LGI1: variants seen among roughly 807,000 people sequenced by gnomAD.
The protein encoded by LGI1 is leucine-rich glioma-inactivated protein 1.
LGI1 carries 11 observed loss-of-function variants against 57.7 expected under a neutral mutation model. The ratio of observed to expected loss-of-function variants is 0.19; its 90% confidence interval spans 0.12 to 0.32. The LOEUF is 0.32. Among genes scored for constraint, LGI1 ranks in the 10% least tolerant of loss-of-function variants. The pLI is 1.00. For missense variants in LGI1, 422 were observed against 661.9 expected, an observed-to-expected ratio of 0.64 and a Z score of 3.98; for synonymous variants, 222 against 241.9, an observed-to-expected ratio of 0.92 and a Z score of 0.76.
intron 4 of LGI1, chr10:93,788,625 A>G (rs2059909615): frequency 6.6e-6 from 1 of 152,224 alleles, no homozygotes; most frequent in African/African-American, 2.4e-5. Context: ...TTGGACCGTC[A>G]TTGACAATGG....
chr10:93,777,347 C>T, intron 2 of LGI1, 32 bp from the exon 3 acceptor site: 1 of 1,593,432 alleles, frequency 6.3e-7, no homozygotes, highest in Non-Finnish European at 8.6e-7. Context: ...CTGTCAGTTT[C>T]ACCATTTTCA....
intron 2 of LGI1, chr10:93,777,044 A>T (rs1218242548): frequency 2.0e-5 from 8 of 403,740 alleles, no homozygotes; most frequent in Non-Finnish European, 3.2e-5. Context: ...AGCAGAAAAG[A>T]TTGTTAGTGC....
Position 93,797,596 on chromosome 10 carries a change from T to C in LGI1, c.1467T>C (p.Tyr489=). Residue 489 remains tyrosine, a synonymous_variant, in exon 8 of 8, where the codon TAT becomes TAC. Coordinates refer to ENST00000371418, the MANE Select transcript of LGI1 (RefSeq NM_005097.4). This position sits in a 1 kb window ranked among gnomAD's most constrained non-coding sequence, Gnocchi z 6.5. ...CTCTTCAAATAAATAATTACCAATA[T>C]GCAATTCTTGGAAGTGATTACTCCT... The part of the protein sequence containing the change: ...FQPLQINNYQ[Y]AILGSDYSFT... The C allele has an allele frequency of 6.2e-7, 1 of 1,614,102 alleles. No individual in the cohort carries two copies.
At chr10:93,766,265 A>G (rs2059677117) in intron 2 of LGI1, among the ~76,000 whole-genome samples, 1 of 152,126 alleles carries the variant, frequency 6.6e-6, no homozygotes, top group African/African-American at 2.4e-5. Flanking sequence ...TTGCATGTGT[A>G]AAATGTGATC....
intron 7 of LGI1, among the ~76,000 whole-genome samples, chr10:93,793,717 T>C (rs544129392): frequency 6.6e-6 from 1 of 152,330 alleles, no homozygotes; most frequent in East Asian, 1.9e-4. Context: ...AAGCTGCTCA[T>C]ACTCACTGAC....
Position 93,758,320 on chromosome 10 carries a change from G to C in LGI1, c.176G>C (p.Arg59Thr). ...GATAATGCTTTATGTGAGAATGCCA[G>C]ATCCATTCCACGCACCGTTCCTCCT... ...TKDNALCENA[R>T]SIPRTVPPDV... is the part of the protein sequence containing the mutation. Residue 59 changes from arginine to threonine, a missense_variant, in exon 1 of 8, where the codon AGA (arginine) becomes ACA (threonine). By Grantham distance (71) the Arg-to-Thr change is moderately conservative (BLOSUM62 -1). This residue lies in a region of LGI1 where 63 missense variants were observed against 138.4 expected (regional missense o/e 0.46). Coordinates refer to ENST00000371418, the MANE Select transcript of LGI1 (RefSeq NM_005097.4). The surrounding 1 kb of genome is among the most constrained non-coding windows in gnomAD (Gnocchi z 4.7). 1 of 1,614,200 alleles carries C rather than the reference G, an allele frequency of 6.2e-7. No individual in the cohort carries two copies. The highest frequency in any genetic ancestry group is 8.5e-7 in the Non-Finnish European group (1 of 1,180,044).
At chr10:93,766,254 C>T (rs2059676901) in intron 2 of LGI1, among the ~76,000 whole-genome samples, 1 of 152,026 alleles carries the variant, frequency 6.6e-6, no homozygotes, top group African/African-American at 2.4e-5. Flanking sequence ...ATGGCAGGTG[C>T]TTGCATGTGT....
At chr10:93,793,106 G>A in intron 6 of LGI1, 80 bp from the exon 7 acceptor site, 4 of 1,272,708 alleles carry the variant, frequency 3.1e-6, no homozygotes, top group South Asian at 2.7e-5. Context: ...TGAAATAAAT[G>A]TATTTCTTGT....
chr10:93,781,663 T>C (rs1440296499), intron 4 of LGI1, among the ~76,000 whole-genome samples: 1 of 152,226 alleles, frequency 6.6e-6, no homozygotes, highest in Non-Finnish European at 1.5e-5. Flanking sequence ...ATATGTTATT[T>C]TGGTAATCAG....
chr10:93,774,679 G>A (rs1187304627), intron 2 of LGI1, among the ~76,000 whole-genome samples: 4 of 152,166 alleles, frequency 2.6e-5, no homozygotes, highest in Non-Finnish European at 4.4e-5. Context: ...AAGGGACAGA[G>A]GTTGTGCAGT....
Position 93,798,008 on chromosome 10 carries a change from A to G in LGI1, c.*205A>G. 1 of 605,332 alleles carries G rather than the reference A, an allele frequency of 1.7e-6. No homozygotes were observed. The highest frequency in any genetic ancestry group is 3.0e-6 in the Non-Finnish European group (1 of 338,976). The allele number at this position is 605,332 out of a possible 1,614,324, so 37.5% of individuals were successfully genotyped here. ...GTTACCTTTTATAAGACAAAATTTA[A>G]TTGTGTAACTGTTCTTTGCAGTGAA... is the stretch of plus-strand genomic sequence containing the variant. On this transcript the variant is annotated 3_prime_UTR_variant, in exon 8 of 8. Coordinates refer to ENST00000371418, the MANE Select transcript of LGI1 (RefSeq NM_005097.4).
intron 4 of LGI1, among the ~76,000 whole-genome samples, chr10:93,784,496 T>C (rs2059879670): frequency 6.6e-6 from 1 of 152,314 alleles, no homozygotes; most frequent in Non-Finnish European, 1.5e-5. Flanking sequence ...CACTTCCCTG[T>C]CCACGTCACC....
intron 4 of LGI1, among the ~76,000 whole-genome samples, chr10:93,781,657 G>A (rs2059848765): frequency 6.6e-6 from 1 of 152,068 alleles, no homozygotes; most frequent in Admixed American, 6.5e-5. Flanking sequence ...ATGAATATAT[G>A]TTATTTTGGT....
chr10:93,775,843 A>G (rs1554904782), intron 2 of LGI1: 1 of 152,202 alleles, frequency 6.6e-6, no homozygotes, highest in Non-Finnish European at 1.5e-5. Flanking sequence ...TGTGGGAGGT[A>G]TAATATTTGT....
At chr10:93,765,591 A>G (rs2059665428) in intron 2 of LGI1, 3 of 152,212 alleles carry the variant, frequency 2.0e-5, no homozygotes, top group African/African-American at 7.2e-5. Context: ...ATTCAATTAC[A>G]TCTAAGGTCT....
At position 93,789,967 on chromosome 10, in the gene LGI1, G is replaced by GA. The variant is rs200725559; in HGVS notation, c.432-123dup. 1,819 of 838,752 alleles carry GA rather than the reference G, an allele frequency of 2.2e-3. 3 individuals are homozygous for GA. The highest frequency in any genetic ancestry group is 0.01 in the African/African-American group (582 of 56,342). The allele number at this position is 838,752 out of a possible 1,614,324, so 52.0% of individuals were successfully genotyped here. On this transcript the variant is annotated intron_variant, in intron 4 of 7. Transcript: ENST00000371418. ...CAGGAATCTGAGTAGTAGTTCAGAA[G>GA]AAAAAAAAAGGACCACAAGTCTTTT... is the stretch of plus-strand genomic sequence containing the variant.
At chr10:93,778,428 C>T (rs2059815708) in intron 4 of LGI1, among the ~76,000 whole-genome samples, 1 of 152,082 alleles carries the variant, frequency 6.6e-6, no homozygotes, top group Admixed American at 6.6e-5. Flanking sequence ...CACACTCTCA[C>T]ATACACACAG....
chr10:93,787,999 A>T (rs1297026574), intron 4 of LGI1, among the ~76,000 whole-genome samples: 3 of 151,778 alleles, frequency 2.0e-5, no homozygotes, highest in African/African-American at 7.3e-5. Context: ...GTAATTCAGG[A>T]TTTGACTGCT....
At chr10:93,793,394 T>C (rs941064994) in intron 7 of LGI1, 44 bp downstream of exon 7, 1 of 1,533,016 alleles carries the variant, frequency 6.5e-7, no homozygotes, top group Non-Finnish European at 9.0e-7. Flanking sequence ...TTTAAACTGC[T>C]TCAGCCAAGG....
Sources: allele counts gnomAD v4.1 joint callset (sites outside exome capture counted in the v4.1 genomes callset), GRCh38; gene constraint gnomAD v4.1.1; regional missense constraint gnomAD v4.1.1; non-coding constraint Gnocchi (gnomAD v3.1); transcripts MANE v1.5; gene names NCBI Gene and HGNC (gene_info 2026-07-23, HGNC 2026-07-21).